HEATR4: variants seen among roughly 807,000 people sequenced by gnomAD.
HEATR4 encodes the protein HEAT repeat-containing protein 4.
Under a neutral mutation model 108.8 loss-of-function variants are expected in HEATR4, and 95 were observed. The observed-to-expected ratio is 0.87, with a 90% confidence interval of 0.74 to 1.04. The LOEUF is 1.04. HEATR4 is among the 50% of genes least tolerant of loss of function. The pLI, the probability that HEATR4 is intolerant of heterozygous loss-of-function variation, is 0.00. For synonymous variants in HEATR4, 443 were observed against 459.4 expected (o/e 0.96, Z 0.46); for missense variants, 1,152 against 1,253.8 (o/e 0.92, Z 1.23).
intron 12 of HEATR4, among the ~76,000 whole-genome samples, chr14:73,499,680 G>A (rs2140260069): frequency 6.6e-6 from 1 of 152,204 alleles, no homozygotes; most frequent in East Asian, 1.9e-4. Context: ...CAGATCTGGG[G>A]CCATATGGCT....
At chr14:73,494,614 GAT>G (rs903175113) in intron 16 of HEATR4, among the ~76,000 whole-genome samples, 14 of 152,238 alleles carry the variant, frequency 9.2e-5, no homozygotes, top group Admixed American at 8.5e-4. Flanking sequence ...ACAGTGGTGA[GAT>G]ATTGGGTTAC....
At chr14:73,513,462 G>GA (rs1359613142) in intron 6 of HEATR4, among the ~76,000 whole-genome samples, 57 of 116,004 alleles carry the variant, frequency 4.9e-4, no homozygotes, top group Admixed American at 9.1e-4. Flanking sequence ...TTCCATCTCA[G>GA]AAAAAGAAAA....
intron 7 of HEATR4, among the ~76,000 whole-genome samples, chr14:73,511,434 G>A (rs1887243219): frequency 6.6e-6 from 1 of 151,880 alleles, no homozygotes; most frequent in South Asian, 2.1e-4. Context: ...CAGGAGAATT[G>A]CTTGAACCTG....
the HEATR4 span, among the ~76,000 whole-genome samples, chr14:73,606,687 T>C: frequency 6.6e-6 from 1 of 152,074 alleles, no homozygotes; most frequent in Non-Finnish European, 1.5e-5. Flanking sequence ...TTCAAAATGA[T>C]TCATGGAGGG....
chr14:73,626,279 C>T, the HEATR4 span, among the ~76,000 whole-genome samples: 5 of 146,844 alleles, frequency 3.4e-5, no homozygotes, highest in Non-Finnish European at 7.7e-5. Flanking sequence ...TTAAGAAAAT[C>T]GCAAAAAAAA....
chr14:73,563,802 T>A (rs1425542321), upstream of HEATR4, among the ~76,000 whole-genome samples: 1 of 151,102 alleles, frequency 6.6e-6, no homozygotes, highest in African/African-American at 2.4e-5. Flanking sequence ...TCTCTAAAAA[T>A]AAAAAAATAA....
intron 1 of HEATR4, among the ~76,000 whole-genome samples, chr14:73,530,794 A>ATT (rs59208614): frequency 0.031 from 1,785 of 57,756 alleles, 187 homozygotes; most frequent in African/African-American, 0.065. Flanking sequence ...TCTCGGTTAA[A>ATT]TTTTTTTTTT....
chr14:73,546,221 T>C (rs1889227311), intron 1 of HEATR4, among the ~76,000 whole-genome samples: 1 of 113,662 alleles, frequency 8.8e-6, no homozygotes, highest in Non-Finnish European at 1.9e-5. Context: ...CCTCAGGTGA[T>C]ACACCCGGCT....
chr14:73,632,856 AAAAG>A, the HEATR4 span, among the ~76,000 whole-genome samples: 6 of 148,816 alleles, frequency 4.0e-5, no homozygotes, highest in Non-Finnish European at 1.5e-5. Context: ...AAAAAAAAAA[AAAAG>A]AAGAAGAAGA....
At chr14:73,491,163 G>T (rs1885698020) in intron 17 of HEATR4, 3 of 1,603,588 alleles carry the variant, frequency 1.9e-6, no homozygotes, top group South Asian at 1.1e-5. Context: ...GTTGTATCCC[G>T]CATGGCAGCG....
intron 17 of HEATR4, among the ~76,000 whole-genome samples, chr14:73,488,883 G>A (rs61987092): frequency 0.14 from 21,590 of 151,422 alleles, 2,220 homozygotes; most frequent in Non-Finnish European, 0.21. Flanking sequence ...ATTAGCTTCG[G>A]TGGTAGCAGG....
At chr14:73,590,894 C>T in the HEATR4 span, among the ~76,000 whole-genome samples, 1 of 152,000 alleles carries the variant, frequency 6.6e-6, no homozygotes, top group African/African-American at 2.4e-5. Flanking sequence ...AGTGCAGCGG[C>T]GGGCTGAAGG....
chr14:73,523,362 AG>A (rs1466368153), intron 2 of HEATR4, 138 bp from the exon 3 acceptor site: 1 of 552,112 alleles, frequency 1.8e-6, no homozygotes, highest in Non-Finnish European at 3.2e-6. Flanking sequence ...GAAGAACAAA[AG>A]AAGAAAATGG....
the HEATR4 span, among the ~76,000 whole-genome samples, chr14:73,599,827 C>T: frequency 6.6e-6 from 1 of 152,146 alleles, no homozygotes; most frequent in Non-Finnish European, 1.5e-5. Flanking sequence ...TAATTGTAAC[C>T]ATCTTTGGCA....
In HEATR4 at chr14:73,484,055, C is replaced by G. The variant is rs919408693; in HGVS notation, c.2845-5213G>C. Among the ~76,000 whole-genome samples the G allele has an allele frequency of 3.3e-5, 5 of 151,960 alleles. No homozygotes were observed. In the South Asian group the frequency reaches 1.0e-3, roughly 32 times the overall value. On this transcript the variant is annotated intron_variant, in intron 17 of 17. Coordinates refer to ENST00000553558, the MANE Select transcript of HEATR4 (RefSeq NM_001220484.1). Reference sequence around the variant, plus strand: ...TATTTTCAGTAGAGACGGGGTTTTACCATGTTGGCCAGGCTGGTCTCAAAC... The same window carrying G: ...TATTTTCAGTAGAGACGGGGTTTTAGCATGTTGGCCAGGCTGGTCTCAAAC...
At position 73,550,692 on chromosome 14, in the gene HEATR4, T is replaced by C. The variant is rs184348106; in HGVS notation, c.-152+8059A>G. Among the ~76,000 whole-genome samples, 100 of 113,856 alleles carry C rather than the reference T, an allele frequency of 8.8e-4. 15 individuals carry two copies. Among genetic ancestry groups the C allele is most frequent in the African/African-American group, 2.5e-3 (89 of 34,916 alleles). The allele number at this position is 113,856 out of a possible 152,430, so 74.7% of individuals were successfully genotyped here. On this transcript the variant is annotated intron_variant, in intron 1 of 17. Transcript: ENST00000553558. ...ATACAGTCCATTCTGCATGTAAATT[T>C]CAAAATATTCTTCTTCCTTTGCAAT...
At chr14:73,502,862 G>A in intron 11 of HEATR4, 33 bp downstream of exon 11, 1 of 1,523,046 alleles carries the variant, frequency 6.6e-7, no homozygotes, top group South Asian at 1.1e-5. Flanking sequence ...TAAGAATTTA[G>A]AAGAGTGTCT....
At position 73,528,032 on chromosome 14, in the gene HEATR4, G is replaced by A. The variant is rs542187607; in HGVS notation, c.-73+2134C>T. 1.7e-3 allele frequency among the ~76,000 whole-genome samples: 253 copies of A among 149,284 alleles called. 1 individual carries two copies. Among genetic ancestry groups the A allele is most frequent in the African/African-American group, 5.8e-3 (234 of 40,566 alleles). On this transcript the variant is annotated intron_variant, in intron 2 of 17. Transcript: ENST00000553558. ...AGATAAATGCCCTTTAGCCTGTGAC[G>A]TAAAGAATCTTTAGTTACAATGCAA...
intron 10 of HEATR4, 73 bp downstream of exon 10, chr14:73,506,394 G>T: frequency 1.9e-6 from 2 of 1,029,950 alleles, no homozygotes; most frequent in Non-Finnish European, 3.0e-6. Flanking sequence ...ATACATAGCA[G>T]CAAAAAGTAG....
Sources: allele counts gnomAD v4.1 joint callset (sites outside exome capture counted in the v4.1 genomes callset), GRCh38; gene constraint gnomAD v4.1.1; transcripts MANE v1.5; gene names NCBI Gene and HGNC (gene_info 2026-07-23, HGNC 2026-07-21).